Variants in PLAGL1 observed in about 807,000 individuals in gnomAD.
PLAGL1 encodes the protein PLAG1 like zinc finger 1, also known as zinc finger protein PLAGL1.
A neutral mutation model predicts 4.6 loss-of-function variants in PLAGL1; 1 was observed. The observed-to-expected ratio is 0.22, with a 90% CI of 0.08 to 1.03. The LOEUF is 1.03. PLAGL1 is among the 50% of genes least tolerant of loss of function. The pLI is 0.58. For missense variants in PLAGL1, 464 were observed against 570.4 expected (o/e 0.81, Z 1.90); for synonymous variants, 240 against 237.8 (o/e 1.01, Z -0.08).
rs748845071 is a variant in PLAGL1, at chr6:143,993,328, CAAA to C, written c.-583-8157_-583-8155del. Among the ~76,000 whole-genome samples the C allele has an allele frequency of 4.7e-3, 354 of 75,260 alleles. 2 individuals are homozygous for C. Among genetic ancestry groups the C allele is most frequent in the African/African-American group, 0.016 (333 of 21,340 alleles). The allele number at this position is 75,260 out of a possible 152,430, so 49.4% of individuals were successfully genotyped here. The stretch of plus-strand genomic sequence containing the variant: ...GAAAACAAAAAAACAAAAAACAAAA[CAAA>C]ACACACACACACACACACACACACA... On this transcript the variant is annotated intron_variant, in intron 1 of 7. Coordinates refer to ENST00000674357, the MANE Select transcript of PLAGL1 (RefSeq NM_001317162.2).
chr6:143,948,034 C>T lies in PLAGL1; in HGVS notation c.103G>A (p.Val35Met), dbSNP rs1562390816. ...AAGGCTTTGCCACAGTCAGGCTGCA[C>T]ACACTTGTACGGCCGCTCCCTGGAG... is the stretch of plus-strand genomic sequence containing the variant. ...SHSRERPYKC[V>M]QPDCGKAFVS... is the part of the protein sequence containing the mutation. Residue 35 changes from valine (V) to methionine (M), a missense_variant, in exon 7 of 8, where the codon GTG becomes ATG. Val to Met is a conservative substitution (Grantham distance 21). Transcript: ENST00000674357. The surrounding 1 kb of genome is among the most constrained non-coding windows in gnomAD (Gnocchi z 6.0). The T allele has an allele frequency of 1.2e-6, 2 of 1,614,176 alleles. No homozygotes were observed. The highest frequency in any genetic ancestry group is 1.7e-6 in the Non-Finnish European group (2 of 1,180,000).
rs1210206766 is a variant in PLAGL1, at chr6:144,053,761, G to A, written c.-151+10707C>T. Among the ~76,000 whole-genome samples, 3 of 152,074 alleles carry A rather than the reference G, an allele frequency of 2.0e-5. No homozygotes were observed. The highest frequency in any genetic ancestry group is 1.3e-4 in the Admixed American group (2 of 15,266). ...CTATGTCAGGCCAGTTACTGATCAC[G>A]GTATTCTTGCCCAGTGAACATAGTT... On this transcript the variant is annotated intron_variant, in intron 1 of 3. Coordinates refer to the PLAGL1 transcript ENST00000437412. The surrounding 1 kb of genome is among the most constrained non-coding windows in gnomAD (Gnocchi z 4.0).
intron 1 of PLAGL1, among the ~76,000 whole-genome samples, chr6:144,003,650 A>T (rs936926848): frequency 7.2e-5 from 11 of 151,800 alleles, no homozygotes; most frequent in African/African-American, 2.2e-4. Flanking sequence ...GAGAATAAAT[A>T]GGCAAACTTC....
At position 143,960,108 on chromosome 6, in the gene PLAGL1, C is replaced by T. The variant is rs1783059402; in HGVS notation, c.-325+361G>A. ...GACAACCTCTTACACATCTTATGTA[C>T]ACAAGTTAGGAGTGTTGGCAGGGGC... On this transcript the variant is annotated intron_variant, in intron 6 of 7. Transcript: ENST00000674357. The surrounding 1 kb of genome is among the most constrained non-coding windows in gnomAD (Gnocchi z 5.7). 6.6e-6 allele frequency among the ~76,000 whole-genome samples: 1 copy of T among 152,216 alleles called. No individual in the cohort carries two copies. The highest frequency in any genetic ancestry group is 1.5e-5 in the Non-Finnish European group (1 of 68,040).
chr6:144,001,172 G>T (rs1374797081), intron 1 of PLAGL1, among the ~76,000 whole-genome samples: 1 of 139,532 alleles, frequency 7.2e-6, no homozygotes, highest in Non-Finnish European at 1.6e-5. Context: ...GTAAGGAAAT[G>T]ATAAAAAAAA....
In PLAGL1 at chr6:144,006,291, T is replaced by C. The variant is rs11155339; in HGVS notation, c.-584+1799A>G. On this transcript the variant is annotated intron_variant, in intron 1 of 7. Coordinates refer to ENST00000674357, the MANE Select transcript of PLAGL1 (RefSeq NM_001317162.2). The surrounding 1 kb of genome is among the most constrained non-coding windows in gnomAD (Gnocchi z 4.3). Reference sequence around the variant, plus strand: ...AGGCTTCTTCAGTTTGCAACACCCATATTTTAACATATTTGGGGGGAAATG... The same window carrying C: ...AGGCTTCTTCAGTTTGCAACACCCACATTTTAACATATTTGGGGGGAAATG... 36,330 of 151,862 alleles carry C rather than the reference T, an allele frequency of 0.24. 4,578 individuals carry two copies. Among genetic ancestry groups the C allele is most frequent in the Admixed American group, 0.34 (5,263 of 15,268 alleles). The allele number at this position is 151,862 out of a possible 1,614,324, so 9.4% of individuals were successfully genotyped here.
Position 144,005,990 on chromosome 6 carries a change from T to C in PLAGL1, c.-584+2100A>G, listed in dbSNP as rs767185666. On this transcript the variant is annotated intron_variant, in intron 1 of 7. Transcript: ENST00000674357. The surrounding 1 kb of genome is among the most constrained non-coding windows in gnomAD (Gnocchi z 4.6). The stretch of plus-strand genomic sequence containing the variant: ...AATTTGATTTTAGCTAAAATTACTA[T>C]ATAAAATATTCCAGTTGTGTACAAA... 3.3e-5 allele frequency: 5 copies of C among 152,158 alleles called. No individual in the cohort carries two copies. The highest frequency in any genetic ancestry group is 4.8e-5 in the African/African-American group (2 of 41,458). 9.4% of individuals were successfully genotyped at this position (152,158 alleles called of 1,614,324 possible).
rs1436419516 is a variant in PLAGL1, at chr6:144,005,187, G to T, written c.-584+2903C>A. 3 of 152,086 alleles carry T rather than the reference G, an allele frequency of 2.0e-5. No individual in the cohort carries two copies. Among genetic ancestry groups the T allele is most frequent in the Admixed American group, 2.0e-4 (3 of 15,272 alleles). The allele number at this position is 152,086 out of a possible 1,614,324, so 9.4% of individuals were successfully genotyped here. A position where few individuals can be genotyped will look rare whatever the true frequency, so the allele number is the denominator to read the frequency against. On this transcript the variant is annotated intron_variant, in intron 1 of 7. Coordinates refer to ENST00000674357, the MANE Select transcript of PLAGL1 (RefSeq NM_001317162.2). The surrounding 1 kb of genome is among the most constrained non-coding windows in gnomAD (Gnocchi z 4.6). ...CGTATGCTAACTACAGTGCAAATTA[G>T]AAATCAGTAACAAAAGGATAACTCA...
At chr6:143,943,784 T>A (rs9496825) in intron 7 of PLAGL1, among the ~76,000 whole-genome samples, 163 of 152,352 alleles carry the variant, frequency 1.1e-3, no homozygotes, top group African/African-American at 3.8e-3. Context: ...TCTAGTCAAT[T>A]TGGAATTTCA....
Position 144,061,953 on chromosome 6 carries a change from T to C in PLAGL1, c.-151+2515A>G, listed in dbSNP as rs1006224272. Reference sequence around the variant, plus strand: ...ATGTATCAATTATATTTACTATGAATGTAGGACCCATTTTGAGCTTTTTCT... The same window carrying C: ...ATGTATCAATTATATTTACTATGAACGTAGGACCCATTTTGAGCTTTTTCT... On this transcript the variant is annotated intron_variant, in intron 1 of 3. Transcript: ENST00000437412. The surrounding 1 kb of genome is among the most constrained non-coding windows in gnomAD (Gnocchi z 4.4). Among the ~76,000 whole-genome samples, 2 of 152,262 alleles carry C rather than the reference T, an allele frequency of 1.3e-5. No homozygotes were observed. The highest frequency in any genetic ancestry group is 4.8e-5 in the African/African-American group (2 of 41,470).
chr6:143,974,598 T>C (rs1243712554), intron 2 of PLAGL1, among the ~76,000 whole-genome samples: 1 of 152,148 alleles, frequency 6.6e-6, no homozygotes, highest in Non-Finnish European at 1.5e-5. Context: ...ACAAAAATGG[T>C]GTGACAATTA....
rs1789966892 is a variant in PLAGL1, at chr6:143,989,539, G to A, written c.-583-4365C>T. 6.6e-6 allele frequency among the ~76,000 whole-genome samples: 1 copy of A among 152,174 alleles called. No homozygotes were observed. The highest frequency in any genetic ancestry group is 6.5e-5 in the Admixed American group (1 of 15,282). On this transcript the variant is annotated intron_variant, in intron 1 of 7. Transcript: ENST00000674357. This position sits in a 1 kb window ranked among gnomAD's most constrained non-coding sequence, Gnocchi z 4.8. ...ATCAGTCTCCTCCTGTCCTTGGACT[G>A]GGATTTATACCCCTGGTTCCTCTGC...
At chr6:144,020,234 A>G (rs1206064951) in intron 1 of PLAGL1, among the ~76,000 whole-genome samples, 2 of 152,128 alleles carry the variant, frequency 1.3e-5, no homozygotes, top group Non-Finnish European at 2.9e-5. Flanking sequence ...TGTGGGAAAT[A>G]AATTCATGTT....
rs34472088 is a variant in PLAGL1 at position 144,004,184 on chromosome 6, ATT to A, written c.-584+3904_-584+3905del. On this transcript the variant is annotated intron_variant, in intron 1 of 7. Transcript: ENST00000674357. The surrounding 1 kb of genome is among the most constrained non-coding windows in gnomAD (Gnocchi z 4.2). Reference sequence around the variant, plus strand: ...AAATGGGGATAACTATGTTCCAGTAATTTTTTTTTTTTTTAAGATGGGGTCAT... The same window carrying A: ...AAATGGGGATAACTATGTTCCAGTAATTTTTTTTTTTTAAGATGGGGTCAT... 1.2e-3 allele frequency among the ~76,000 whole-genome samples: 175 copies of A among 149,068 alleles called. No homozygotes were observed. Among genetic ancestry groups the A allele is most frequent in the Non-Finnish European group, 1.3e-3 (85 of 67,070 alleles).
chr6:143,981,966 AGCATTTATTG>A (rs1280540616), intron 2 of PLAGL1, among the ~76,000 whole-genome samples: 1 of 152,190 alleles, frequency 6.6e-6, no homozygotes, highest in East Asian at 1.9e-4. Flanking sequence ...TCATTAAACC[AGCATTTATTG>A]AGTGGTTGTT....
chr6:143,944,828 T>C (rs1235396194), intron 7 of PLAGL1, among the ~76,000 whole-genome samples: 1 of 151,456 alleles, frequency 6.6e-6, no homozygotes, highest in Non-Finnish European at 1.5e-5. Flanking sequence ...CAGGATCCCA[T>C]AGCTCTTGGG....
upstream of PLAGL1, among the ~76,000 whole-genome samples, chr6:144,012,802 A>T (rs1229190007): frequency 6.6e-6 from 1 of 152,152 alleles, no homozygotes; most frequent in Non-Finnish European, 1.5e-5. The surrounding 1 kb of genome is among the most constrained non-coding windows in gnomAD (Gnocchi z 4.8). Flanking sequence ...AGGGGTTGCA[A>T]ACTCAAATCT....
At chr6:144,029,142 G>T (rs1246740608) in intron 1 of PLAGL1, among the ~76,000 whole-genome samples, 1 of 152,114 alleles carries the variant, frequency 6.6e-6, no homozygotes, top group African/African-American at 2.4e-5. Flanking sequence ...TTCTTCAGTT[G>T]TTGAACTTCT....
In PLAGL1 at chr6:144,061,389, T is replaced by C. The variant is rs1799388497; in HGVS notation, c.-151+3079A>G. On this transcript the variant is annotated intron_variant, in intron 1 of 3. Transcript: ENST00000437412. The surrounding 1 kb of genome is among the most constrained non-coding windows in gnomAD (Gnocchi z 4.4). ...CAAGTTCCACCAGGATCAAACAAAGTGAGGTAAGAACAAGAGAGCAGCCAC... is the reference window on the plus strand; with the variant it reads ...CAAGTTCCACCAGGATCAAACAAAGCGAGGTAAGAACAAGAGAGCAGCCAC... Among the ~76,000 whole-genome samples, 1 of 152,150 alleles carries C rather than the reference T, an allele frequency of 6.6e-6. No individual in the cohort carries two copies. The highest frequency in any genetic ancestry group is 1.5e-5 in the Non-Finnish European group (1 of 68,028).
Sources: allele counts gnomAD v4.1 joint callset (sites outside exome capture counted in the v4.1 genomes callset), GRCh38; gene constraint gnomAD v4.1.1; non-coding constraint Gnocchi (gnomAD v3.1); transcripts MANE v1.5; gene names NCBI Gene and HGNC (gene_info 2026-07-23, HGNC 2026-07-21).